Variants in DNAH3 observed in about 807,000 individuals in gnomAD.
The protein encoded by DNAH3 is dynein axonemal heavy chain 3, also known as axonemal beta dynein heavy chain 3.
A neutral mutation model predicts 432.5 loss-of-function variants in DNAH3; 332 were observed. The observed-to-expected ratio is 0.77, with a 90% confidence interval of 0.70 to 0.84. The LOEUF (loss-of-function observed/expected upper bound fraction) is 0.84. DNAH3 is among the 40% of genes least tolerant of loss of function. The probability of loss-of-function intolerance (pLI) is 0.00; values close to 1 mark genes in which losing one functional copy is unlikely to be tolerated. For synonymous variants in DNAH3, 1,956 were observed against 1,900.2 expected (o/e 1.03, Z -0.76); for missense variants, 4,861 against 5,114.0 (o/e 0.95, Z 1.51).
chr16:21,039,874 T>C (rs2089349852), exon 33 of DNAH3: 4 of 1,613,288 alleles, frequency 2.5e-6, no homozygotes, highest in Non-Finnish European at 3.4e-6. Flanking sequence ...AGAAACCCCA[T>C]GGAGTAGAGG....
At chr16:21,105,592 T>A (rs966954642) in intron 15 of DNAH3, among the ~76,000 whole-genome samples, 2 of 151,578 alleles carry the variant, frequency 1.3e-5, no homozygotes, top group Non-Finnish European at 2.9e-5. Flanking sequence ...ATGGAGAAAC[T>A]CTGTCTCTAC....
intron 14 of DNAH3, among the ~76,000 whole-genome samples, chr16:21,107,730 C>T (rs2152801625): frequency 6.6e-6 from 1 of 152,326 alleles, no homozygotes; most frequent in South Asian, 2.1e-4. Context: ...AAGCAAATGA[C>T]TGACGGTCTT....
At chr16:21,037,852 T>C (rs760268707) in exon 34 of DNAH3, 2 of 1,614,230 alleles carry the variant, frequency 1.2e-6, no homozygotes, top group Non-Finnish European at 1.7e-6. Flanking sequence ...CTCCTCTGGA[T>C]ACTTGAGCTT....
chr16:21,005,165 CTTTCTTTT>C (rs1290978232), intron 41 of DNAH3, among the ~76,000 whole-genome samples: 8 of 144,278 alleles, frequency 5.5e-5, no homozygotes, highest in Middle Eastern at 3.5e-3. Flanking sequence ...TCTTTTCTTT[CTTTCTTTT>C]TCTTTTTCTT....
intron 44 of DNAH3, among the ~76,000 whole-genome samples, chr16:20,988,650 AAG>A (rs1175724975): frequency 2.6e-5 from 4 of 152,230 alleles, no homozygotes; most frequent in African/African-American, 9.6e-5. Context: ...ATCATTGTAA[AAG>A]AGTCTATCAA....
intron 21 of DNAH3, 74 bp downstream of exon 21, chr16:21,075,373 G>T (rs759982031): frequency 4.0e-5 from 41 of 1,031,798 alleles, no homozygotes; most frequent in Non-Finnish European, 6.0e-5. Context: ...CATTCTGAAT[G>T]AATCGTTTCT....
exon 60 of DNAH3, chr16:20,936,800 C>T (rs1421882901): frequency 2.5e-6 from 4 of 1,613,680 alleles, no homozygotes; most frequent in South Asian, 2.2e-5. Flanking sequence ...CAGGACCTGT[C>T]CTTTGATGGC....
At chr16:21,050,104 A>T in intron 29 of DNAH3, 86 bp from the exon 30 acceptor site, 1 of 1,008,960 alleles carries the variant, frequency 9.9e-7, no homozygotes, top group Non-Finnish European at 1.5e-6. Context: ...ACTCATACAA[A>T]TATTTAGGTT....
chr16:21,067,964 T>C, intron 23 of DNAH3, among the ~76,000 whole-genome samples: 1 of 152,024 alleles, frequency 6.6e-6, no homozygotes. Context: ...TCGTTTCAGC[T>C]ATCCTGAGTC....
chr16:21,097,017 G>C (rs550917763), intron 18 of DNAH3, among the ~76,000 whole-genome samples: 1 of 152,058 alleles, frequency 6.6e-6, no homozygotes, highest in Non-Finnish European at 1.5e-5. Flanking sequence ...AGAGTAAAAG[G>C]TAGTTTACAA....
intron 53 of DNAH3, among the ~76,000 whole-genome samples, chr16:20,960,950 C>T (rs1315008205): frequency 1.3e-5 from 2 of 152,206 alleles, no homozygotes; most frequent in African/African-American, 2.4e-5. Flanking sequence ...ACCCCCACCT[C>T]ACCCTCTGGG....
chr16:20,987,551 G>A (rs758124340), intron 46 of DNAH3, 103 bp from the exon 47 acceptor site: 3 of 1,545,134 alleles, frequency 1.9e-6, no homozygotes. Flanking sequence ...GATTGAACTA[G>A]ATAATGTTTA....
chr16:21,054,331 A>G (rs1377954520), intron 28 of DNAH3, 89 bp downstream of exon 28: 3 of 1,015,896 alleles, frequency 3.0e-6, no homozygotes, highest in African/African-American at 1.6e-5. Flanking sequence ...GGAAACCCTG[A>G]ATTATTCCGT....
At chr16:21,048,175 A>C (rs2089793150) in intron 31 of DNAH3, among the ~76,000 whole-genome samples, 1 of 152,264 alleles carries the variant, frequency 6.6e-6, no homozygotes, top group Non-Finnish European at 1.5e-5. Flanking sequence ...AGAGGCAGGC[A>C]GGCCTCCTTG....
rs142777348 is a variant in DNAH3, at chr16:20,966,761, G to A, written c.8459-1336C>T. ...CCTTCCCTAGTCTGGGAGGTGGGTT[G>A]GATGGAGCCCAATCAGTCCTCCCTT... On this transcript the variant is annotated intron_variant, in intron 52 of 61. Coordinates refer to ENST00000261383, the Ensembl canonical transcript of DNAH3. Among the ~76,000 whole-genome samples, 195 of 152,294 alleles carry A rather than the reference G, an allele frequency of 1.3e-3. 1 individual carries two copies. The highest frequency in any genetic ancestry group is 6.8e-3 in the Middle Eastern group (2 of 294).
intron 24 of DNAH3, among the ~76,000 whole-genome samples, chr16:21,064,802 A>G (rs1270494195): frequency 6.6e-6 from 1 of 151,988 alleles, no homozygotes; most frequent in Non-Finnish European, 1.5e-5. Context: ...CAACATTCTC[A>G]AAGTGTTTGC....
At chr16:21,147,011 C>T (rs924447476) in intron 1 of DNAH3, among the ~76,000 whole-genome samples, 6 of 151,924 alleles carry the variant, frequency 3.9e-5, no homozygotes, top group Admixed American at 6.6e-5. Context: ...CTGCCCTCCT[C>T]GGCCTCCCAA....
At chr16:21,081,692 G>C (rs111401762) in exon 20 of DNAH3, 2 of 1,613,924 alleles carry the variant, frequency 1.2e-6, no homozygotes, top group Non-Finnish European at 1.7e-6. Flanking sequence ...AGGTCGTTTC[G>C]GTGGGCTTTA....
intron 41 of DNAH3, among the ~76,000 whole-genome samples, chr16:21,009,323 T>C (rs2087467593): frequency 6.6e-6 from 1 of 152,194 alleles, no homozygotes; most frequent in Non-Finnish European, 1.5e-5. Context: ...GAGTGAAATA[T>C]ATACCATTAT....
Sources: allele counts gnomAD v4.1 joint callset (sites outside exome capture counted in the v4.1 genomes callset), GRCh38; gene constraint gnomAD v4.1.1; transcripts MANE v1.5; gene names NCBI Gene and HGNC (gene_info 2026-07-23, HGNC 2026-07-21).